ATP9B: variants seen among roughly 807,000 people sequenced by gnomAD.
The protein encoded by ATP9B is ATPase phospholipid transporting 9B.
A neutral mutation model predicts 146.1 loss-of-function variants in ATP9B; 110 were observed. The ratio of observed to expected loss-of-function variants is 0.75; its 90% CI spans 0.65 to 0.88. The LOEUF is 0.88. Ranked by LOEUF, ATP9B falls within the 40% of genes least tolerant of loss-of-function variation. The pLI is 0.00. For synonymous variants in ATP9B, 604 were observed against 569.7 expected, an observed-to-expected ratio of 1.06 and a Z score of -0.86; for missense variants, 1,499 against 1,496.4, an observed-to-expected ratio of 1.00 and a Z score of -0.03.
At chr18:79,342,391 G>T in intron 20 of ATP9B, 25 bp downstream of exon 20, 1 of 1,515,436 alleles carries the variant, frequency 6.6e-7, no homozygotes, top group Non-Finnish European at 9.1e-7. Context: ...TAATCACTTT[G>T]AATTTTTAAA....
In ATP9B at chr18:79,377,701, C is replaced by T. The variant is rs2097109626; in HGVS notation, c.*318C>T. The T allele has an allele frequency of 3.2e-6, 1 of 316,436 alleles. No homozygotes were observed. Among genetic ancestry groups the T allele is most frequent in the African/African-American group, 2.1e-5 (1 of 47,770 alleles). 19.6% of individuals were successfully genotyped at this position (316,436 alleles called of 1,614,324 possible). ...TCTCCCTCTCAGTGCAGGGACGTCA[C>T]CCCTGCCAGGCAAGCCCAGGGCACA... On this transcript the variant is annotated 3_prime_UTR_variant, in exon 30 of 30. Coordinates refer to ENST00000426216, the MANE Select transcript of ATP9B (RefSeq NM_198531.5).
chr18:79,153,350 TA>T, intron 6 of ATP9B, among the ~76,000 whole-genome samples: 1 of 152,354 alleles, frequency 6.6e-6, no homozygotes, highest in Non-Finnish European at 1.5e-5. Flanking sequence ...TTAGAGTTTT[TA>T]TATGCCATAA....
chr18:79,283,044 A>C (rs546994414), intron 13 of ATP9B, among the ~76,000 whole-genome samples: 9 of 152,352 alleles, frequency 5.9e-5, no homozygotes, highest in African/African-American at 2.2e-4. Context: ...ACCCTGGTGA[A>C]ACCAGTGCAT....
intron 1 of ATP9B, among the ~76,000 whole-genome samples, chr18:79,080,502 C>T (rs1265032341): frequency 6.6e-6 from 1 of 152,048 alleles, no homozygotes; most frequent in Non-Finnish European, 1.5e-5. Flanking sequence ...TGAGACTTTG[C>T]TAAGTTGCTT....
intron 26 of ATP9B, among the ~76,000 whole-genome samples, chr18:79,369,938 A>G (rs1482594864): frequency 2.0e-5 from 3 of 152,116 alleles, no homozygotes; most frequent in African/African-American, 7.2e-5. Context: ...ATCTCTACTA[A>G]AAGTACAAAA....
At position 79,285,274 on chromosome 18, in the gene ATP9B, C is replaced by T. The variant is rs373106270; in HGVS notation, c.1411+8078C>T. On this transcript the variant is annotated intron_variant, in intron 13 of 29. Coordinates refer to ENST00000426216, the MANE Select transcript of ATP9B (RefSeq NM_198531.5). ...TGTTCCTATTTCTCCACATCCTCTC[C>T]AGCACCTGTTGTTTCCTGACTTTCT... 2.4e-3 allele frequency among the ~76,000 whole-genome samples: 360 copies of T among 152,028 alleles called. 1 individual carries two copies. Among genetic ancestry groups the T allele is most frequent in the South Asian group, 6.0e-3 (29 of 4,798 alleles).
intron 11 of ATP9B, among the ~76,000 whole-genome samples, chr18:79,252,573 G>T (rs879526604): frequency 2.6e-5 from 4 of 152,188 alleles, no homozygotes; most frequent in Admixed American, 2.6e-4. Context: ...AACTTGTGCA[G>T]TGAGAGCTGC....
intron 17 of ATP9B, among the ~76,000 whole-genome samples, chr18:79,331,817 G>A (rs1270457133): frequency 6.6e-6 from 1 of 152,166 alleles, no homozygotes; most frequent in Non-Finnish European, 1.5e-5. Flanking sequence ...AAATAGTGAT[G>A]TTCCGGATAG....
At chr18:79,279,285 T>A (rs2096350731) in intron 13 of ATP9B, among the ~76,000 whole-genome samples, 2 of 152,034 alleles carry the variant, frequency 1.3e-5, no homozygotes, top group Admixed American at 1.3e-4. Flanking sequence ...TGCCTGCCCC[T>A]TATGCAGAGT....
Position 79,378,093 on chromosome 18 carries a change from T to TA in ATP9B, c.*712dup, listed in dbSNP as rs1243369605. ...TATTCAGATTCTTTCTTTGATGTTATAACACAAAGTCATTCCTACTCAAAT... is the reference window on the plus strand; with the variant it reads ...TATTCAGATTCTTTCTTTGATGTTATAAACACAAAGTCATTCCTACTCAAAT... On this transcript the variant is annotated 3_prime_UTR_variant, in exon 30 of 30. Coordinates refer to ENST00000426216, the MANE Select transcript of ATP9B (RefSeq NM_198531.5). 6.6e-6 allele frequency: 1 copy of TA among 152,298 alleles called. No individual in the cohort carries two copies. The highest frequency in any genetic ancestry group is 1.9e-4 in the East Asian group (1 of 5,202). The allele number at this position is 152,298 out of a possible 1,614,324, so 9.4% of individuals were successfully genotyped here.
At position 79,286,653 on chromosome 18, in the gene ATP9B, A is replaced by G. The variant is rs1000896151; in HGVS notation, c.1411+9457A>G. ...TGCCCTGGCCAGAACTTCCAACACT[A>G]TGTTGAATAGGAGTGGTGAGAGAGG... is the stretch of plus-strand genomic sequence containing the variant. On this transcript the variant is annotated intron_variant, in intron 13 of 29. Transcript: ENST00000426216. Among the ~76,000 whole-genome samples the G allele has an allele frequency of 4.1e-4, 62 of 152,038 alleles. 1 individual carries two copies. Among genetic ancestry groups the G allele is most frequent in the African/African-American group, 1.4e-3 (60 of 41,464 alleles).
intron 8 of ATP9B, among the ~76,000 whole-genome samples, chr18:79,190,624 A>G (rs1288058546): frequency 1.3e-5 from 2 of 151,756 alleles, no homozygotes; most frequent in Admixed American, 6.6e-5. Flanking sequence ...GCTCACTGCA[A>G]CCTCTGCCTC....
At chr18:79,330,561 C>T (rs1241642236) in intron 17 of ATP9B, among the ~76,000 whole-genome samples, 5 of 152,000 alleles carry the variant, frequency 3.3e-5, no homozygotes, top group African/African-American at 4.8e-5. Context: ...TACAGGCACC[C>T]GCCACCATGC....
intron 4 of ATP9B, among the ~76,000 whole-genome samples, chr18:79,120,992 G>A (rs2094178345): frequency 6.6e-6 from 1 of 152,184 alleles, no homozygotes; most frequent in Non-Finnish European, 1.5e-5. Flanking sequence ...TTAGTGATCT[G>A]TGTGGCCTTG....
At chr18:79,343,963 T>A (rs2096872450) in intron 20 of ATP9B, 1 of 461,746 alleles carries the variant, frequency 2.2e-6, no homozygotes, top group African/African-American at 2.0e-5. Flanking sequence ...TATTAACTCA[T>A]AGGCACCCTT....
At chr18:79,119,104 A>T (rs2094144616) in intron 4 of ATP9B, among the ~76,000 whole-genome samples, 1 of 147,138 alleles carries the variant, frequency 6.8e-6, no homozygotes. Context: ...CTTGTGGGTT[A>T]AAACTGTTTT....
At chr18:79,102,960 T>C (rs1006640898) in intron 2 of ATP9B, among the ~76,000 whole-genome samples, 4 of 152,244 alleles carry the variant, frequency 2.6e-5, no homozygotes, top group Admixed American at 2.0e-4. Flanking sequence ...GTTGATTTTG[T>C]ATGTTAGATC....
At chr18:79,335,967 C>T (rs2096822421) in intron 17 of ATP9B, among the ~76,000 whole-genome samples, 1 of 152,202 alleles carries the variant, frequency 6.6e-6, no homozygotes, top group East Asian at 1.9e-4. Flanking sequence ...CCCCTCTCCC[C>T]CAGTGTACAC....
chr18:79,101,330 T>C (rs1343420499), intron 2 of ATP9B, among the ~76,000 whole-genome samples: 2 of 152,336 alleles, frequency 1.3e-5, no homozygotes, highest in African/African-American at 4.8e-5. Context: ...TAAAAATTGT[T>C]CTATTTTTTT....
Sources: allele counts gnomAD v4.1 joint callset (sites outside exome capture counted in the v4.1 genomes callset), GRCh38; gene constraint gnomAD v4.1.1; transcripts MANE v1.5; gene names NCBI Gene and HGNC (gene_info 2026-07-23, HGNC 2026-07-21).